DPYD: variants seen among roughly 807,000 people sequenced by gnomAD.
The protein encoded by DPYD is dihydropyrimidine dehydrogenase.
Under a neutral mutation model 116.2 loss-of-function variants are expected in DPYD, and 109 were observed. The observed-to-expected ratio is 0.94, with a 90% confidence interval of 0.80 to 1.10. The LOEUF (loss-of-function observed/expected upper bound fraction) is 1.10, where lower values mean the gene tolerates loss of function less well. Among genes scored for constraint, DPYD ranks in the 50% least tolerant of loss-of-function variants. DPYD has a pLI of 0.00. For synonymous variants in DPYD, 440 were observed against 432.0 expected (o/e 1.02, Z -0.23); for missense variants, 1,302 against 1,254.5 (o/e 1.04, Z -0.57).
chr1:97,140,844 G>A (rs777241080), intron 20 of DPYD, among the ~76,000 whole-genome samples: 1 of 152,192 alleles, frequency 6.6e-6, no homozygotes, highest in Non-Finnish European at 1.5e-5. Flanking sequence ...TAGCCAAGAA[G>A]AGGAGCTTAG....
chr1:97,598,538 A>G (rs1655031926), intron 8 of DPYD, among the ~76,000 whole-genome samples: 1 of 151,746 alleles, frequency 6.6e-6, no homozygotes, highest in Non-Finnish European at 1.5e-5. Context: ...GCATGCATTT[A>G]TACAAAGGAA....
At chr1:97,095,080 A>T (rs948129102) in intron 21 of DPYD, among the ~76,000 whole-genome samples, 1 of 152,206 alleles carries the variant, frequency 6.6e-6, no homozygotes, top group African/African-American at 2.4e-5. Flanking sequence ...TTTGGTATTA[A>T]TTAAATAAGG....
At chr1:97,365,695 T>C (rs1670996562) in intron 16 of DPYD, among the ~76,000 whole-genome samples, 1 of 152,182 alleles carries the variant, frequency 6.6e-6, no homozygotes, top group African/African-American at 2.4e-5. Flanking sequence ...TTGTGTGATC[T>C]CAGTTCACCG....
chr1:97,312,616 A>C (rs1233036228), intron 16 of DPYD, among the ~76,000 whole-genome samples: 5 of 151,894 alleles, frequency 3.3e-5, no homozygotes, highest in Admixed American at 2.0e-4. Flanking sequence ...GATATCCAAA[A>C]CATATTAAGT....
chr1:97,462,043 G>A (rs1426779946), intron 13 of DPYD, among the ~76,000 whole-genome samples: 1 of 152,036 alleles, frequency 6.6e-6, no homozygotes, highest in Non-Finnish European at 1.5e-5. Context: ...TGTTATACCT[G>A]AAAGGTGATC....
chr1:97,792,913 A>G (rs1271991058), intron 3 of DPYD, among the ~76,000 whole-genome samples: 1 of 152,226 alleles, frequency 6.6e-6, no homozygotes, highest in African/African-American at 2.4e-5. Context: ...CTCAGAAGAC[A>G]TAACACGTAA....
intron 14 of DPYD, among the ~76,000 whole-genome samples, chr1:97,399,861 C>G (rs1198850985): frequency 5.3e-5 from 8 of 151,968 alleles, no homozygotes; most frequent in Admixed American, 3.9e-4. Context: ...GAGATGATGG[C>G]ATTTTCTAGA....
chr1:97,773,406 C>A (rs965374905), intron 3 of DPYD, among the ~76,000 whole-genome samples: 3 of 146,040 alleles, frequency 2.1e-5, no homozygotes, highest in African/African-American at 7.6e-5. Context: ...GAAGTGCTGG[C>A]AGAGAAGGGC....
chr1:97,533,391 G>A (rs574673793), intron 12 of DPYD, among the ~76,000 whole-genome samples: 1 of 152,082 alleles, frequency 6.6e-6, no homozygotes, highest in South Asian at 2.1e-4. Flanking sequence ...AAGTTAGACA[G>A]AGATCCCCCT....
At chr1:97,351,920 A>G (rs1387102456) in intron 16 of DPYD, among the ~76,000 whole-genome samples, 1 of 152,162 alleles carries the variant, frequency 6.6e-6, no homozygotes, top group East Asian at 1.9e-4. Flanking sequence ...ATAACTATAC[A>G]TCTCAATTCA....
At position 97,079,215 on chromosome 1, in the gene DPYD, T is replaced by C. The variant is rs290855; in HGVS notation, c.2908-69A>G. 0.83 allele frequency: 1,297,828 copies of C among 1,566,256 alleles called. 539,716 individuals are homozygous for C. Among genetic ancestry groups the C allele is most frequent in the East Asian group, 0.99 (44,267 of 44,584 alleles). On this transcript the variant is annotated intron_variant, in intron 22 of 22. Coordinates refer to ENST00000370192, the MANE Select transcript of DPYD (RefSeq NM_000110.4). ...GTCAACAATGTCCCCATTTTAGCGT[T>C]AACATTTTTCTCTGCTGCAGAGGAG...
At chr1:97,169,099 C>T (rs1656533425) in intron 20 of DPYD, among the ~76,000 whole-genome samples, 1 of 152,112 alleles carries the variant, frequency 6.6e-6, no homozygotes, top group Admixed American at 6.6e-5. Context: ...CCACCCACCT[C>T]AGCCTCTCAA....
chr1:97,089,989 G>C (rs960383672), intron 21 of DPYD, among the ~76,000 whole-genome samples: 5 of 152,084 alleles, frequency 3.3e-5, no homozygotes, highest in Non-Finnish European at 5.9e-5. Flanking sequence ...TTAATCAGTT[G>C]ATCCCATTGC....
At chr1:97,347,458 G>C (rs1669916934) in intron 16 of DPYD, among the ~76,000 whole-genome samples, 1 of 151,846 alleles carries the variant, frequency 6.6e-6, no homozygotes, top group African/African-American at 2.4e-5. Flanking sequence ...AGCCAACCTG[G>C]ATTTACTGAG....
intron 19 of DPYD, among the ~76,000 whole-genome samples, chr1:97,223,416 C>CACACAA (rs1660905966): frequency 6.6e-6 from 1 of 151,360 alleles, no homozygotes. Context: ...CACACACACA[C>CACACAA]ACAAACACAC....
In DPYD at chr1:97,493,820, T is replaced by C. The variant is rs144656170; in HGVS notation, c.1740+21906A>G. ...CTAAATTCTACCCGCAGCAAAATGA[T>C]AGCACACAAATATTATTGATCGATT... is the stretch of plus-strand genomic sequence containing the variant. On this transcript the variant is annotated intron_variant, in intron 13 of 22. Transcript: ENST00000370192. Among the ~76,000 whole-genome samples, 769 of 152,272 alleles carry C rather than the reference T, an allele frequency of 5.1e-3. 5 individuals are homozygous for C. The highest frequency in any genetic ancestry group is 0.017 in the Middle Eastern group (5 of 294).
At chr1:97,754,853 T>A (rs914573078) in intron 3 of DPYD, among the ~76,000 whole-genome samples, 6 of 152,230 alleles carry the variant, frequency 3.9e-5, no homozygotes, top group African/African-American at 1.4e-4. Flanking sequence ...CATTTGTTCA[T>A]TCCTCTATCT....
At chr1:97,846,831 C>T (rs1670324977) in intron 2 of DPYD, among the ~76,000 whole-genome samples, 1 of 152,102 alleles carries the variant, frequency 6.6e-6, no homozygotes, top group Non-Finnish European at 1.5e-5. Context: ...ATTATTTGTT[C>T]ACCTATGTTT....
rs549292655 is a variant in DPYD, at chr1:97,435,833, T to C, written c.1905+14226A>G. Among the ~76,000 whole-genome samples the C allele has an allele frequency of 1.9e-3, 287 of 151,884 alleles. 3 individuals are homozygous for C. In the South Asian group the frequency reaches 0.023, roughly 12 times the overall value. On this transcript the variant is annotated intron_variant, in intron 14 of 22. Transcript: ENST00000370192. The stretch of plus-strand genomic sequence containing the variant: ...GTACAATGTAAAAGAATAAACTAGC[T>C]ACTGGCAAAAAAGGAAGCTGGGGGA...
Sources: gnomAD v4.1 joint callset for allele counts (sites outside exome capture counted in the v4.1 genomes callset) on GRCh38, gnomAD v4.1.1 for gene constraint, MANE v1.5 for transcripts, NCBI Gene and HGNC (gene_info 2026-07-23, HGNC 2026-07-21) for gene names.